The following NRG1 variants were observed in gnomAD, a reference collection of about 807,000 sequenced individuals.
The protein encoded by NRG1 is neuregulin 1.
NRG1 carries 18 observed loss-of-function variants against 63.8 expected under a neutral mutation model. The ratio of observed to expected loss-of-function variants is 0.28; its 90% CI spans 0.19 to 0.42. The LOEUF is 0.42. Ranked by LOEUF, NRG1 falls within the 10% of genes least tolerant of loss-of-function variation. The pLI, the probability that NRG1 is intolerant of heterozygous loss-of-function variation, is 1.00. For synonymous variants in NRG1, 302 were observed against 301.3 expected (o/e 1.00, Z -0.02); for missense variants, 762 against 814.7 (o/e 0.94, Z 0.79).
chr8:32,642,813 A>C (rs1476256371), intron 5 of NRG1, among the ~76,000 whole-genome samples: 1 of 151,654 alleles, frequency 6.6e-6, no homozygotes, highest in African/African-American at 2.4e-5. Context: ...TTTTAGAGTT[A>C]TATTGCCAAG....
At chr8:32,546,937 G>A (rs779211333), upstream of NRG1, among the ~76,000 whole-genome samples, 1 of 152,104 alleles carries the variant, frequency 6.6e-6, no homozygotes, top group African/African-American at 2.4e-5. Context: ...AGAAAATACC[G>A]TGAGAAGGTA....
chr8:32,749,606 T>C (rs753814860), intron 7 of NRG1: 8 of 1,611,982 alleles, frequency 5.0e-6, no homozygotes, highest in Non-Finnish European at 5.9e-6. Flanking sequence ...TCATCATTCC[T>C]TTTAGCCTGC....
intron 1 of NRG1, among the ~76,000 whole-genome samples, chr8:32,303,952 T>C (rs1563292209): frequency 6.6e-6 from 1 of 152,214 alleles, no homozygotes; most frequent in Non-Finnish European, 1.5e-5. Flanking sequence ...AAGTTTCAAA[T>C]TTTTGAAATA....
chr8:31,943,899 T>A (rs145626116), intron 1 of NRG1, among the ~76,000 whole-genome samples: 13 of 152,334 alleles, frequency 8.5e-5, no homozygotes, highest in African/African-American at 3.1e-4. Context: ...ACAGTTTGAT[T>A]TCAATCCTCT....
chr8:32,600,785 G>A (rs988521953), intron 2 of NRG1, among the ~76,000 whole-genome samples: 5 of 151,870 alleles, frequency 3.3e-5, no homozygotes, highest in Admixed American at 2.0e-4. Context: ...CACTTTACAC[G>A]AATTAACTCA....
At chr8:32,060,007 A>G (rs971436643) in intron 1 of NRG1, among the ~76,000 whole-genome samples, 5 of 151,880 alleles carry the variant, frequency 3.3e-5, no homozygotes, top group African/African-American at 4.8e-5. Flanking sequence ...GTTTATTCCA[A>G]CAACTGTGTT....
intron 1 of NRG1, among the ~76,000 whole-genome samples, chr8:32,063,825 G>GT (rs1056188809): frequency 8.6e-5 from 13 of 151,802 alleles, no homozygotes; most frequent in East Asian, 1.9e-4. Context: ...CTTATATAAA[G>GT]TTTTTTTTGT....
At chr8:32,073,902 A>G (rs1826122220) in intron 1 of NRG1, among the ~76,000 whole-genome samples, 1 of 152,154 alleles carries the variant, frequency 6.6e-6, no homozygotes, top group South Asian at 2.1e-4. Context: ...AAATGCTGTT[A>G]TGTAGCAATA....
chr8:32,594,663 C>T (rs576195754), intron 1 of NRG1, among the ~76,000 whole-genome samples: 16 of 152,186 alleles, frequency 1.1e-4, no homozygotes, highest in South Asian at 4.1e-4. Flanking sequence ...GCAAGTATTT[C>T]GGTACATATT....
chr8:31,652,973 TCCTCTCCTCTCCTCTCCTCTCCTC>T, intron 1 of NRG1, among the ~76,000 whole-genome samples: 1 of 23,696 alleles, frequency 4.2e-5, no homozygotes, highest in Non-Finnish European at 1.1e-4. Context: ...TCCTCTCCTC[TCCTCTCCTCTCCTCTCCTCTCCTC>T]TCCTCTCCTC....
At chr8:31,977,471 C>G (rs1339709378) in intron 1 of NRG1, among the ~76,000 whole-genome samples, 1 of 152,066 alleles carries the variant, frequency 6.6e-6, no homozygotes, top group Non-Finnish European at 1.5e-5. Context: ...GCCGCCATCT[C>G]AGACCTCTAC....
intron 1 of NRG1, among the ~76,000 whole-genome samples, chr8:32,359,283 G>C (rs963402022): frequency 2.0e-5 from 3 of 152,176 alleles, no homozygotes; most frequent in Non-Finnish European, 4.4e-5. Context: ...CTTTTAAACT[G>C]ATTAAAGCTT....
chr8:32,126,201 G>A (rs1834048258), intron 1 of NRG1, among the ~76,000 whole-genome samples: 1 of 151,828 alleles, frequency 6.6e-6, no homozygotes, highest in African/African-American at 2.4e-5. Flanking sequence ...TATCGCAAAA[G>A]ATAATGGCTA....
intron 1 of NRG1, among the ~76,000 whole-genome samples, chr8:32,049,628 TG>T (rs1821651968): frequency 6.6e-6 from 1 of 152,148 alleles, no homozygotes; most frequent in Non-Finnish European, 1.5e-5. Context: ...TCCAGATACT[TG>T]TAGTGTAGGA....
rs971631274 is a variant in NRG1, at chr8:32,713,718, TTA to T, written c.503-14229_503-14228del. On this transcript the variant is annotated intron_variant, in intron 5 of 11. Transcript: ENST00000356819. Reference sequence around the variant, plus strand: ...TAAATAAATATATATAATAATATATTTATGTTATAAATATATAATATATTTGT... The same window carrying T: ...TAAATAAATATATATAATAATATATTTGTTATAAATATATAATATATTTGT... Among the ~76,000 whole-genome samples, 212 of 146,952 alleles carry T rather than the reference TTA, an allele frequency of 1.4e-3. 2 individuals are homozygous for T. Among genetic ancestry groups the T allele is most frequent in the African/African-American group, 4.9e-3 (201 of 40,654 alleles).
At chr8:32,500,180 G>GTGCTAAATAAATAGTAATT (rs1827693466) in intron 1 of NRG1, among the ~76,000 whole-genome samples, 5 of 152,274 alleles carry the variant, frequency 3.3e-5, no homozygotes, top group African/African-American at 1.2e-4. Flanking sequence ...AATTTAGCAC[G>GTGCTAAATAAATAGTAATT]TAGGCTTTTT....
At chr8:32,097,308 GTGTGAAGTTATCCCTTTGA>G (rs1830022570) in intron 1 of NRG1, among the ~76,000 whole-genome samples, 1 of 152,128 alleles carries the variant, frequency 6.6e-6, no homozygotes, top group Non-Finnish European at 1.5e-5. Context: ...ATAAACATAG[GTGTGAAGTTATCCCTTTGA>G]TGTGCTTTTT....
intron 1 of NRG1, among the ~76,000 whole-genome samples, chr8:32,364,334 T>G (rs1296542566): frequency 6.6e-6 from 1 of 152,086 alleles, no homozygotes; most frequent in Middle Eastern, 3.2e-3. Context: ...TAGTTTTGTT[T>G]TAGTTTTTAC....
chr8:32,370,857 CAAAAAAAAA>C (rs570354347), intron 1 of NRG1, among the ~76,000 whole-genome samples: 4 of 52,036 alleles, frequency 7.7e-5, no homozygotes, highest in East Asian at 2.1e-3. Flanking sequence ...GACTCTGTCT[CAAAAAAAAA>C]AAAAAAAAAA....
Sources: gnomAD v4.1 joint callset for allele counts (sites outside exome capture counted in the v4.1 genomes callset) on GRCh38, gnomAD v4.1.1 for gene constraint, MANE v1.5 for transcripts, NCBI Gene and HGNC (gene_info 2026-07-23, HGNC 2026-07-21) for gene names.